The following NAT1 variants were observed in gnomAD, a reference collection of about 807,000 sequenced individuals.
The protein encoded by NAT1 is N-acetyltransferase 1.
For missense variants in NAT1, 400 were observed against 339.2 expected (o/e 1.18, Z -1.41); for synonymous variants, 144 against 122.6 (o/e 1.17, Z -1.16).
chr8:18,214,513 A>C (rs765833816), intron 1 of NAT1, among the ~76,000 whole-genome samples: 2 of 152,116 alleles, frequency 1.3e-5, no homozygotes, highest in African/African-American at 4.8e-5. Context: ...TCTTTCATGA[A>C]ATATTTTCTT....
chr8:18,191,101 A>T (rs1176727274), intron 2 of NAT1, among the ~76,000 whole-genome samples: 1 of 152,122 alleles, frequency 6.6e-6, no homozygotes, highest in Non-Finnish European at 1.5e-5. Flanking sequence ...ATAAGCAATA[A>T]ATATACTGAT....
intron 1 of NAT1, among the ~76,000 whole-genome samples, chr8:18,218,782 T>C (rs1020558071): frequency 1.3e-5 from 2 of 152,070 alleles, no homozygotes; most frequent in African/African-American, 4.8e-5. Flanking sequence ...CTAGCTTGAC[T>C]TTTCCCTTTG....
At chr8:18,214,325 T>A (rs768336796) in intron 1 of NAT1, among the ~76,000 whole-genome samples, 8 of 152,232 alleles carry the variant, frequency 5.3e-5, no homozygotes, top group Non-Finnish European at 1.2e-4. Flanking sequence ...TTATTGCATT[T>A]CTCAAGCTCT....
At chr8:18,205,479 A>G (rs1163567517), upstream of NAT1, among the ~76,000 whole-genome samples, 5 of 152,156 alleles carry the variant, frequency 3.3e-5, no homozygotes, top group Non-Finnish European at 7.3e-5. Flanking sequence ...CAGCAGTGTT[A>G]GCACAAGAGT....
intron 2 of NAT1, among the ~76,000 whole-genome samples, chr8:18,171,992 A>T (rs1026980509): frequency 1.3e-5 from 2 of 152,200 alleles, no homozygotes; most frequent in African/African-American, 4.8e-5. Flanking sequence ...CTTTCAGCAA[A>T]CAGACTAACA....
intron 2 of NAT1, among the ~76,000 whole-genome samples, chr8:18,176,054 G>T (rs10103859): frequency 0.26 from 39,381 of 151,900 alleles, 5,671 homozygotes; most frequent in African/African-American, 0.37. Context: ...TAATCATGTT[G>T]TTTGTTTTCT....
chr8:18,209,215 G>A (rs1241373249), upstream of NAT1, among the ~76,000 whole-genome samples: 4 of 152,208 alleles, frequency 2.6e-5, no homozygotes, highest in African/African-American at 4.8e-5. Flanking sequence ...CCTGCCTGAG[G>A]ACATGCCAAG....
At chr8:18,192,060 A>C (rs540643961) in intron 2 of NAT1, among the ~76,000 whole-genome samples, 4 of 150,974 alleles carry the variant, frequency 2.6e-5, no homozygotes, top group African/African-American at 4.9e-5. Flanking sequence ...GCAACCTACA[A>C]AATGGGAGAA....
chr8:18,201,373 G>C (rs906806748), intron 2 of NAT1, among the ~76,000 whole-genome samples: 2 of 152,100 alleles, frequency 1.3e-5, no homozygotes, highest in African/African-American at 4.8e-5. Context: ...ATTTTAGGCT[G>C]TTCATTCGGA....
chr8:18,211,691 C>T (rs1188481629), intron 1 of NAT1, among the ~76,000 whole-genome samples: 3 of 152,158 alleles, frequency 2.0e-5, no homozygotes, highest in South Asian at 2.1e-4. Context: ...AGTCCAGCAA[C>T]CCCTTTTCAT....
At chr8:18,221,732 AG>A in intron 2 of NAT1, 1 of 247,260 alleles carries the variant, frequency 4.0e-6, no homozygotes, top group Non-Finnish European at 7.7e-6. Flanking sequence ...AAAGGATACC[AG>A]TTGGAATCTC....
chr8:18,204,556 T>A (rs570420498), intron 2 of NAT1, among the ~76,000 whole-genome samples: 1 of 73,808 alleles, frequency 1.4e-5, no homozygotes, highest in South Asian at 3.6e-4. Flanking sequence ...TTATTTTTAA[T>A]ATGATACAGA....
intron 1 of NAT1, among the ~76,000 whole-genome samples, chr8:18,217,935 G>C (rs947796765): frequency 6.6e-6 from 1 of 152,154 alleles, no homozygotes; most frequent in African/African-American, 2.4e-5. Context: ...ATTGTTTAAG[G>C]CTAGGCAGGG....
intron 2 of NAT1, among the ~76,000 whole-genome samples, chr8:18,220,935 C>T (rs1805214175): frequency 6.6e-6 from 1 of 152,110 alleles, no homozygotes; most frequent in Non-Finnish European, 1.5e-5. Context: ...ATCCATAAGG[C>T]GCAATATGGG....
rs186592718 is a variant in NAT1 at position 18,182,447 on chromosome 8, A to G, written n.92+11708A>G. On this transcript the variant is annotated intron_variant and non_coding_transcript_variant, in intron 2 of 4. Coordinates refer to the NAT1 transcript ENST00000517441. ...TGTTTATTGGAAGCTTTATTGTTTT[A>G]CCTTTTACTTTTAGGTCTACAATCC... Among the ~76,000 whole-genome samples the G allele has an allele frequency of 1.2e-3, 190 of 152,150 alleles. 1 individual carries two copies. The highest frequency in any genetic ancestry group is 1.5e-3 in the Non-Finnish European group (101 of 67,988).
chr8:18,195,369 A>G (rs1803187668), intron 2 of NAT1, among the ~76,000 whole-genome samples: 1 of 152,186 alleles, frequency 6.6e-6, no homozygotes. Flanking sequence ...GCCTCATTCT[A>G]AAGTCAGAAA....
At chr8:18,172,088 C>G (rs1476721565) in intron 2 of NAT1, among the ~76,000 whole-genome samples, 1 of 152,172 alleles carries the variant, frequency 6.6e-6, no homozygotes, top group Non-Finnish European at 1.5e-5. Context: ...CCTCTAAGGA[C>G]AACAGTGAAA....
chr8:18,204,189 A>G (rs1803607686), intron 2 of NAT1, among the ~76,000 whole-genome samples: 1 of 148,262 alleles, frequency 6.7e-6, no homozygotes, highest in Non-Finnish European at 1.5e-5. Flanking sequence ...CTCTCTCGCA[A>G]AGAGCTGCTC....
At chr8:18,175,579 T>G (rs138596343) in intron 2 of NAT1, among the ~76,000 whole-genome samples, 1 of 152,150 alleles carries the variant, frequency 6.6e-6, no homozygotes, top group Non-Finnish European at 1.5e-5. Context: ...TATTCCATTG[T>G]GTAATATAGT....
Sources: allele counts gnomAD v4.1 joint callset (sites outside exome capture counted in the v4.1 genomes callset), GRCh38; gene constraint gnomAD v4.1.1; transcripts MANE v1.5; gene names NCBI Gene and HGNC (gene_info 2026-07-23, HGNC 2026-07-21).